Variants in SOX5 observed in about 807,000 individuals in gnomAD.
The protein encoded by SOX5 is SRY-box transcription factor 5, also known as transcription factor SOX-5.
Under a neutral mutation model 92.0 loss-of-function variants are expected in SOX5, and 9 were observed. That is an observed-to-expected ratio of 0.10 (90% CI 0.06 to 0.17). SOX5 has a LOEUF of 0.17. Among genes scored for constraint, SOX5 ranks in the 10% least tolerant of loss-of-function variants. The pLI is 1.00. For synonymous variants in SOX5, 344 were observed against 336.3 expected, an observed-to-expected ratio of 1.02 and a Z score of -0.25; for missense variants, 642 against 944.5, an observed-to-expected ratio of 0.68 and a Z score of 4.20.
intron 4 of SOX5, among the ~76,000 whole-genome samples, chr12:24,174,381 C>G (rs1397390979): frequency 6.6e-6 from 1 of 152,152 alleles, no homozygotes; most frequent in East Asian, 1.9e-4. Context: ...TTACAAATAG[C>G]TGCTTTGTTT....
chr12:23,837,274 T>TATATTTATATTTATATAATATATAA (rs1568204195), intron 3 of SOX5, among the ~76,000 whole-genome samples: 10 of 52,794 alleles, frequency 1.9e-4, no homozygotes, highest in South Asian at 7.3e-4. Context: ...ATATATAATA[T>TATATTTATATTTATATAATATATAA]GTATTTATAT....
chr12:24,561,723 G>A (rs1954366124), intron 1 of SOX5, among the ~76,000 whole-genome samples: 1 of 151,680 alleles, frequency 6.6e-6, no homozygotes, highest in South Asian at 2.1e-4. Context: ...AATTCCGGGC[G>A]GGAGGGAGGG....
At chr12:24,438,140 G>A (rs1035981243) in intron 1 of SOX5, among the ~76,000 whole-genome samples, 1 of 152,152 alleles carries the variant, frequency 6.6e-6, no homozygotes, top group South Asian at 2.1e-4. Flanking sequence ...CAGGGACATG[G>A]ATGAAGCTGG....
chr12:24,280,461 T>C (rs552820946), intron 2 of SOX5, among the ~76,000 whole-genome samples: 11 of 152,302 alleles, frequency 7.2e-5, no homozygotes, highest in African/African-American at 2.2e-4. Flanking sequence ...GATCAAATAT[T>C]ACATAATATC....
chr12:24,227,655 A>T (rs1019611579), intron 3 of SOX5: 2 of 152,188 alleles, frequency 1.3e-5, no homozygotes, highest in African/African-American at 4.8e-5. Context: ...CCTAAGCAGC[A>T]AAATCATTGC....
intron 1 of SOX5, among the ~76,000 whole-genome samples, chr12:23,932,241 A>C (rs552969061): frequency 6.6e-6 from 1 of 151,754 alleles, no homozygotes; most frequent in South Asian, 2.1e-4. Flanking sequence ...AGATCGTGAG[A>C]CATTACATGA....
chr12:23,563,268 C>T lies in SOX5; in HGVS notation c.1478G>A (p.Arg493Gln), dbSNP rs762757188. The change falls in exon 11 of 15, where the codon CGA (arginine) becomes CAA (glutamine). Residue 493 changes from arginine to glutamine, a missense_variant. Coordinates refer to ENST00000451604, the MANE Select transcript of SOX5 (RefSeq NM_006940.6). ...ATTTTATGAACTGACCTTTTCTGTT[C>T]GGCAGTTATTGAGACCCAGACTATT... is the stretch of plus-strand genomic sequence containing the variant. ...VVNSLGLNNCRTEKEKTTLES... is the reference protein window; with the variant it reads ...VVNSLGLNNCQTEKEKTTLES... 1.2e-5 allele frequency: 19 copies of T among 1,611,512 alleles called. No homozygotes were observed. The highest frequency in any genetic ancestry group is 4.0e-5 in the African/African-American group (3 of 74,742).
At position 24,228,946 on chromosome 12, in the gene SOX5, G is replaced by A. The variant is rs554760523; in HGVS notation, c.-76-15529C>T. On this transcript the variant is annotated intron_variant, in intron 3 of 4. Transcript: ENST00000446891. ...AACTGCTATAAATTAATGGTTAATC[G>A]AGCCCATATAATTAGTTTATTCACA... Among the ~76,000 whole-genome samples the A allele has an allele frequency of 3.9e-5, 6 of 152,162 alleles. No homozygotes were observed. In the South Asian group the frequency reaches 6.2e-4, roughly 16 times the overall value.
intron 4 of SOX5, among the ~76,000 whole-genome samples, chr12:23,962,394 C>T (rs887694051): frequency 1.3e-5 from 2 of 152,024 alleles, no homozygotes; most frequent in African/African-American, 2.4e-5. Flanking sequence ...GACGCAGGTA[C>T]GCACGCAAGC....
chr12:23,793,060 G>GT (rs1254078071), intron 3 of SOX5, among the ~76,000 whole-genome samples: 1 of 152,070 alleles, frequency 6.6e-6, no homozygotes, highest in Non-Finnish European at 1.5e-5. Flanking sequence ...GACCTAAAAC[G>GT]TTTTTCATGT....
At chr12:24,218,389 T>C (rs1430361441) in intron 3 of SOX5, among the ~76,000 whole-genome samples, 1 of 152,188 alleles carries the variant, frequency 6.6e-6, no homozygotes, top group Admixed American at 6.5e-5. Flanking sequence ...AGACCATATA[T>C]TGTATAATTC....
intron 1 of SOX5, among the ~76,000 whole-genome samples, chr12:24,410,892 G>A (rs1363780153): frequency 6.6e-6 from 1 of 152,188 alleles, no homozygotes; most frequent in Non-Finnish European, 1.5e-5. Context: ...AAGCCTGTGT[G>A]TCAGTTTGAG....
At chr12:24,061,563 C>T (rs1277695764) in intron 4 of SOX5, among the ~76,000 whole-genome samples, 1 of 151,914 alleles carries the variant, frequency 6.6e-6, no homozygotes, top group Non-Finnish European at 1.5e-5. Context: ...AACGTTTGCA[C>T]AAAGTACCAA....
At chr12:23,829,380 G>C (rs995540814) in intron 3 of SOX5, among the ~76,000 whole-genome samples, 1 of 152,146 alleles carries the variant, frequency 6.6e-6, no homozygotes, top group Non-Finnish European at 1.5e-5. Flanking sequence ...GCCCAGATTA[G>C]AGTGTTACTA....
chr12:24,095,124 C>CAGAGAGAGAGAGAG (rs1295495095), intron 4 of SOX5, among the ~76,000 whole-genome samples: 182 of 105,030 alleles, frequency 1.7e-3, no homozygotes, highest in Middle Eastern at 5.7e-3. Flanking sequence ...CACACACACA[C>CAGAGAGAGAGAGAG]ACACAGAGAG....
chr12:24,372,407 G>C (rs1459578504), intron 1 of SOX5, among the ~76,000 whole-genome samples: 2 of 152,122 alleles, frequency 1.3e-5, no homozygotes, highest in Non-Finnish European at 2.9e-5. Flanking sequence ...TCCTGTGTTA[G>C]TTTGCTAAGA....
intron 2 of SOX5, among the ~76,000 whole-genome samples, chr12:24,333,826 ATAATGTGTC>A (rs1951592746): frequency 6.8e-6 from 1 of 146,296 alleles, no homozygotes; most frequent in South Asian, 2.2e-4. Flanking sequence ...TGGATATTTT[ATAATGTGTC>A]TAAAGTTCAC....
intron 8 of SOX5, among the ~76,000 whole-genome samples, chr12:23,612,692 T>C (rs1457831872): frequency 6.6e-6 from 1 of 152,164 alleles, no homozygotes; most frequent in East Asian, 1.9e-4. Context: ...AATTGTTGAA[T>C]ATGACCTGTT....
At chr12:24,130,106 A>G (rs1369977207) in intron 4 of SOX5, among the ~76,000 whole-genome samples, 1 of 152,200 alleles carries the variant, frequency 6.6e-6, no homozygotes, top group South Asian at 2.1e-4. Flanking sequence ...AAAAAAGAAT[A>G]CAAGTGTGAG....
Sources: allele counts gnomAD v4.1 joint callset (sites outside exome capture counted in the v4.1 genomes callset), GRCh38; gene constraint gnomAD v4.1.1; transcripts MANE v1.5; gene names NCBI Gene and HGNC (gene_info 2026-07-23, HGNC 2026-07-21).